TOP3A: variants seen among roughly 807,000 people sequenced by gnomAD.
TOP3A encodes DNA topoisomerase III alpha.
TOP3A carries 64 observed loss-of-function variants against 111.3 expected under a neutral mutation model. That is an observed-to-expected ratio of 0.57 (90% CI 0.47 to 0.71). TOP3A has a LOEUF of 0.71. Ranked by LOEUF, TOP3A falls within the 30% of genes least tolerant of loss-of-function variation. TOP3A has a pLI of 0.00. For missense variants in TOP3A, 1,104 were observed against 1,285.0 expected (o/e 0.86, Z 2.15); for synonymous variants, 484 against 485.1 (o/e 1.00, Z 0.03).
Position 18,314,851 on chromosome 17 carries a change from T to G in TOP3A, c.-73A>C. The G allele has an allele frequency of 8.8e-7, 1 of 1,130,462 alleles. No homozygotes were observed. Among genetic ancestry groups the G allele is most frequent in the Non-Finnish European group, 1.1e-6 (1 of 882,790 alleles). 70.0% of individuals were successfully genotyped at this position (1,130,462 alleles called of 1,614,324 possible). A position where few individuals can be genotyped will look rare whatever the true frequency, so the allele number is the denominator to read the frequency against. On this transcript the variant is annotated 5_prime_UTR_variant, in exon 1 of 19. Coordinates refer to ENST00000321105, the MANE Select transcript of TOP3A (RefSeq NM_004618.5). ...GGGGAAGCCAGAGATGAGGCTCAAA[T>G]GGCGCCCACCGAAAGGGAACCAGAG... is the stretch of plus-strand genomic sequence containing the variant.
rs1485638916 is a variant in TOP3A at position 18,290,636 on chromosome 17, C to A, written c.1518G>T (p.Glu506Asp). ...QGSHFQPSTV[E>D]MVDGETSPPK... is the part of the protein sequence containing the mutation. ...GTGGGCTGGTCTCCCCGTCCACCAT[C>A]TCCACGGTGCTGGGCTGAAAGTGGG... is the stretch of plus-strand genomic sequence containing the variant. The change falls in exon 13 of 19, where the codon GAG (glutamate) becomes GAT (aspartate). Residue 506 changes from glutamate to aspartate, a missense_variant. Transcript: ENST00000321105. The A allele has an allele frequency of 1.2e-6, 2 of 1,611,476 alleles. No individual in the cohort carries two copies. The highest frequency in any genetic ancestry group is 1.7e-6 in the Non-Finnish European group (2 of 1,178,390).
At chr17:18,296,186 A>G (rs1980791797) in intron 9 of TOP3A, among the ~76,000 whole-genome samples, 1 of 152,210 alleles carries the variant, frequency 6.6e-6, no homozygotes, top group Non-Finnish European at 1.5e-5. Context: ...GAAAATAATG[A>G]GCTGTTCTTT....
chr17:18,278,361 G>T lies in TOP3A; in HGVS notation c.2145-4C>A. The stretch of plus-strand genomic sequence containing the variant: ...GCGCTTAAACTTTAACTTTAACCTA[G>T]TGAGGCCAGAAGATGAGAAAAAACA... On this transcript the variant is annotated splice_region_variant and splice_polypyrimidine_tract_variant and intron_variant, in intron 17 of 18. Transcript: ENST00000321105. 1.3e-6 allele frequency: 2 copies of T among 1,510,454 alleles called. No individual in the cohort carries two copies. Among genetic ancestry groups the T allele is most frequent in the Non-Finnish European group, 1.8e-6 (2 of 1,130,136 alleles). 93.6% of individuals were successfully genotyped at this position (1,510,454 alleles called of 1,614,324 possible).
rs769724330 is a variant in TOP3A at position 18,308,423 on chromosome 17, T to C, written c.242A>G (p.Asn81Ser). The C allele has an allele frequency of 4.1e-5, 65 of 1,589,170 alleles. No individual in the cohort carries two copies. The highest frequency in any genetic ancestry group is 5.4e-5 in the Non-Finnish European group (63 of 1,166,118). Reference sequence around the variant, plus strand: ...AACTGAAGTCATTACCATGGTAACATTCTGAATGATGACAAAATTCAAAAT... The same window carrying C: ...AACTGAAGTCATTACCATGGTAACACTCTGAATGATGACAAAATTCAAAAT... ...YEFDYHLYGQ[N>S]VTMVMTSVSG... Residue 81 changes from asparagine (N) to serine (S), a missense_variant and splice_region_variant, in exon 3 of 19, where the codon AAT (asparagine) becomes AGT (serine). Transcript: ENST00000321105.
chr17:18,310,410 TGA>T lies in TOP3A; in HGVS notation c.181-1471_181-1470del, dbSNP rs762890026. Among the ~76,000 whole-genome samples, 8 of 152,024 alleles carry T rather than the reference TGA, an allele frequency of 5.3e-5. No homozygotes were observed. In the South Asian group the frequency reaches 1.7e-3, roughly 32 times the overall value. ...CACTGCACTCCAGCCTGAGCGACAG[TGA>T]GAGAGACTCCTTCTCAAAAACCAAA... On this transcript the variant is annotated intron_variant, in intron 1 of 18. Transcript: ENST00000321105.
rs1409646824 is a variant in TOP3A, at chr17:18,277,748, C to T, written c.2754G>A (p.Gln918=). Reference sequence around the variant, plus strand: ...CTCTCGGCTTGGCACATGTGTGGAACTGGCGCCCCTTGTTGGGTCCATCCT... The same window carrying T: ...CTCTCGGCTTGGCACATGTGTGGAATTGGCGCCCCTTGTTGGGTCCATCCT... The part of the protein sequence containing the change: ...VQKDGPNKGR[Q]FHTCAKPREQ... Residue 918 remains glutamine, a synonymous_variant, in exon 18 of 19, where the codon CAG becomes CAA. Transcript: ENST00000321105. The T allele has an allele frequency of 2.5e-6, 4 of 1,614,078 alleles. No homozygotes were observed. In the African/African-American group the frequency reaches 4.0e-5, roughly 16 times the overall value.
At chr17:18,286,071 G>A (rs571776819) in intron 13 of TOP3A, among the ~76,000 whole-genome samples, 11 of 152,076 alleles carry the variant, frequency 7.2e-5, no homozygotes, top group South Asian at 2.1e-4. Flanking sequence ...GTGGCGGCAC[G>A]CACCTGTAGT....
intron 4 of TOP3A, among the ~76,000 whole-genome samples, chr17:18,306,100 G>A (rs1261185717): frequency 6.6e-6 from 1 of 152,152 alleles, no homozygotes; most frequent in Non-Finnish European, 1.5e-5. Context: ...TACTTGAGAG[G>A]CTAAGGCAAG....
In TOP3A at chr17:18,273,289, A is replaced by G. The variant is rs1979112689; in HGVS notation, c.*1513T>C. 1 of 152,242 alleles carries G rather than the reference A, an allele frequency of 6.6e-6. No homozygotes were observed. Among genetic ancestry groups the G allele is most frequent in the African/African-American group, 2.4e-5 (1 of 41,452 alleles). 9.4% of individuals were successfully genotyped at this position (152,242 alleles called of 1,614,324 possible). A position where few individuals can be genotyped will look rare whatever the true frequency, so the allele number is the denominator to read the frequency against. ...GTAAATCAGAGTCCATATGGCTTGT[A>G]TTATTCACAAGGTTTTTGTGAAGGC... is the stretch of plus-strand genomic sequence containing the variant. On this transcript the variant is annotated 3_prime_UTR_variant, in exon 19 of 19. Coordinates refer to ENST00000321105, the MANE Select transcript of TOP3A (RefSeq NM_004618.5).
At chr17:18,295,128 C>T (rs919587851) in intron 9 of TOP3A, among the ~76,000 whole-genome samples, 8 of 151,786 alleles carry the variant, frequency 5.3e-5, no homozygotes, top group Non-Finnish European at 1.0e-4. Context: ...GGATCACAAG[C>T]GTGAGCTACC....
chr17:18,292,473 G>A (rs554184931), intron 11 of TOP3A, among the ~76,000 whole-genome samples, 172 bp downstream of exon 11: 14 of 152,318 alleles, frequency 9.2e-5, no homozygotes, highest in African/African-American at 2.9e-4. Flanking sequence ...GGCCCACCAC[G>A]GGGAGGGATG....
In TOP3A at chr17:18,302,147, G is replaced by C. The variant is rs1597981360; in HGVS notation, c.814+117C>G. The C allele has an allele frequency of 3.1e-5, 43 of 1,397,952 alleles. No individual in the cohort carries two copies. In the East Asian group the frequency reaches 9.9e-4, roughly 32 times the overall value. The allele number at this position is 1,397,952 out of a possible 1,614,324, so 86.6% of individuals were successfully genotyped here. A position where few individuals can be genotyped will look rare whatever the true frequency, so the allele number is the denominator to read the frequency against. ...TAAGTGGATTGTAATGGGCCAGGGA[G>C]GATGACAGCAAGACTAAAATAAATC... On this transcript the variant is annotated intron_variant, in intron 7 of 18. Transcript: ENST00000321105.
chr17:18,289,502 T>C (rs987379330), intron 13 of TOP3A, among the ~76,000 whole-genome samples: 1 of 152,206 alleles, frequency 6.6e-6, no homozygotes, highest in Non-Finnish European at 1.5e-5. Context: ...GGTCTTAAAC[T>C]CCCTACCTCA....
At position 18,278,044 on chromosome 17, in the gene TOP3A, C is replaced by CTGTCCTG. The variant is rs1567733744; in HGVS notation, c.2457_2458insCAGGACA (p.Val820GlnfsTer9). On this transcript the variant is annotated frameshift_variant, in exon 18 of 19. Transcript: ENST00000321105. LOFTEE classifies it high-confidence loss of function. The stretch of plus-strand genomic sequence containing the variant: ...CCCTCCTTACGGACAGTGAGCAGCA[C>CTGTCCTG]AGCCTCCTGGCCACAGTTGCAGGTC... The CTGTCCTG allele has an allele frequency of 6.2e-7, 1 of 1,614,200 alleles. No homozygotes were observed.
At position 18,285,300 on chromosome 17, in the gene TOP3A, A is replaced by G; in HGVS notation, c.1719T>C (p.Asp573=). 1 of 1,614,042 alleles carries G rather than the reference A, an allele frequency of 6.2e-7. No homozygotes were observed. Among genetic ancestry groups the G allele is most frequent in the East Asian group, 2.2e-5 (1 of 44,880 alleles). ...GCTTAGACATTTCATAGCCCATGGA[A>G]TCATAACCTGCAGGGAGAGAGTCGA... ...HLGMGLVEGY[D]SMGYEMSKPD... Residue 573 remains aspartate, a synonymous_variant, in exon 15 of 19, where the codon GAT becomes GAC. Coordinates refer to ENST00000321105, the MANE Select transcript of TOP3A (RefSeq NM_004618.5).
rs1981481627 is a variant in TOP3A at position 18,305,176 on chromosome 17, G to A, written c.435C>T (p.Ile145=). The change falls in exon 5 of 19, where the codon ATC becomes ATT. Residue 145 remains isoleucine (I), a synonymous_variant. Transcript: ENST00000321105. ...CGCCTTCTCTATCACAGTCAGTCCA[G>A]ATCACCAGAGCCTGGCACTGGCGAG... ...RETRQCQALV[I]WTDCDREGEN... is the part of the protein sequence containing the mutation. The A allele has an allele frequency of 1.9e-6, 3 of 1,614,186 alleles. No individual in the cohort carries two copies. Among genetic ancestry groups the A allele is most frequent in the South Asian group, 1.1e-5 (1 of 91,076 alleles).
chr17:18,307,017 C>A, intron 3 of TOP3A, 51 bp from the exon 4 acceptor site: 1 of 1,349,606 alleles, frequency 7.4e-7, no homozygotes, highest in Admixed American at 1.8e-5. Context: ...ACAGAGAGCC[C>A]TCCAATCTAA....
intron 10 of TOP3A, 150 bp from the exon 11 acceptor site, chr17:18,293,002 T>C: frequency 1.4e-6 from 1 of 732,708 alleles, no homozygotes; most frequent in Non-Finnish European, 2.1e-6. Flanking sequence ...TTCAGAAAAG[T>C]TCTGAGATGA....
chr17:18,278,400 G>A (rs1418990754), intron 17 of TOP3A, 43 bp from the exon 18 acceptor site: 2 of 1,484,818 alleles, frequency 1.3e-6, no homozygotes, highest in Admixed American at 2.3e-5. Context: ...ACAACCAGAT[G>A]CCAGCTTCTC....
Sources: gnomAD v4.1 joint callset for allele counts (sites outside exome capture counted in the v4.1 genomes callset) on GRCh38, gnomAD v4.1.1 for gene constraint, MANE v1.5 for transcripts, NCBI Gene and HGNC (gene_info 2026-07-23, HGNC 2026-07-21) for gene names.